SIGLECL1: variants seen among roughly 807,000 people sequenced by gnomAD.
The protein encoded by SIGLECL1 is SIGLEC family-like protein 1.
Under a neutral mutation model 19.1 loss-of-function variants are expected in SIGLECL1, and 16 were observed. That is an observed-to-expected ratio of 0.84 (90% CI 0.57 to 1.27). The LOEUF is 1.27. SIGLECL1 is among the 50% of genes most tolerant of loss of function. The pLI, the probability that SIGLECL1 is intolerant of heterozygous loss-of-function variation, is 0.00. For synonymous variants in SIGLECL1, 89 were observed against 90.4 expected, an observed-to-expected ratio of 0.98 and a Z score of 0.09; for missense variants, 210 against 239.4, an observed-to-expected ratio of 0.88 and a Z score of 0.81.
intron 1 of SIGLECL1, among the ~76,000 whole-genome samples, chr19:51,261,576 C>T (rs1432327822): frequency 6.6e-6 from 1 of 152,236 alleles, no homozygotes; most frequent in Non-Finnish European, 1.5e-5. Context: ...GCATGAGCCA[C>T]CGCTCCCGGC....
chr19:51,265,699 G>A, intron 3 of SIGLECL1, 50 bp downstream of exon 3: 1 of 1,612,226 alleles, frequency 6.2e-7, no homozygotes, highest in Non-Finnish European at 8.5e-7. Flanking sequence ...AAGCGGGATG[G>A]GGACAGTCAC....
chr19:51,268,584 A>T lies in SIGLECL1; in HGVS notation c.581A>T (p.Lys194Ile), dbSNP rs779942999. The part of the protein sequence containing the change: ...SESRILEKQD[K>I]RAS ...CCTCGCTTTCAGGAAAAGCAAGATA[A>T]ACGAGCCAGCTAAGCCTGTGGAACA... is the stretch of plus-strand genomic sequence containing the variant. The change falls in exon 6 of 6, where the codon AAA becomes ATA. Residue 194 changes from lysine (K) to isoleucine (I), a missense_variant. Transcript: ENST00000601727. 4 of 1,613,958 alleles carry T rather than the reference A, an allele frequency of 2.5e-6. No individual in the cohort carries two copies. The East Asian group carries it at 6.7e-5, about 27-fold the overall frequency.
upstream of SIGLECL1, among the ~76,000 whole-genome samples, chr19:51,246,587 A>C (rs1379034769): frequency 6.6e-6 from 1 of 152,128 alleles, no homozygotes; most frequent in African/African-American, 2.4e-5. Flanking sequence ...GGTTAAGTTA[A>C]ATATTAAAAG....
intron 5 of SIGLECL1, 53 bp downstream of exon 5, chr19:51,267,582 C>T: frequency 6.3e-7 from 1 of 1,590,766 alleles, no homozygotes; most frequent in Non-Finnish European, 8.6e-7. Context: ...GATAATAAGA[C>T]CCACAGGGAA....
At chr19:51,265,229 A>T in intron 2 of SIGLECL1, 139 bp from the exon 3 acceptor site, 2 of 872,780 alleles carry the variant, frequency 2.3e-6, no homozygotes, top group Middle Eastern at 3.6e-4. Context: ...CTGGTCTGGG[A>T]GGCCTGAATC....
intron 1 of SIGLECL1, among the ~76,000 whole-genome samples, chr19:51,253,790 G>A (rs1387594224): frequency 6.6e-6 from 1 of 152,230 alleles, no homozygotes; most frequent in East Asian, 1.9e-4. Flanking sequence ...GTCAAAGGTT[G>A]AGTCTGAAAT....
At chr19:51,268,151 C>G (rs1983814298) in intron 5 of SIGLECL1, among the ~76,000 whole-genome samples, 1 of 152,134 alleles carries the variant, frequency 6.6e-6, no homozygotes, top group Non-Finnish European at 1.5e-5. Flanking sequence ...GCAATATCTC[C>G]TAATCTTTGT....
At chr19:51,259,861 G>A (rs1983085967) in intron 1 of SIGLECL1, among the ~76,000 whole-genome samples, 1 of 152,208 alleles carries the variant, frequency 6.6e-6, no homozygotes, top group African/African-American at 2.4e-5. Context: ...CTTGAATGAT[G>A]TCTATTAATA....
intron 1 of SIGLECL1, among the ~76,000 whole-genome samples, chr19:51,255,189 G>T (rs1982726341): frequency 6.6e-6 from 1 of 151,374 alleles, no homozygotes; most frequent in African/African-American, 2.4e-5. Context: ...GCACCCAGGA[G>T]ATGGAGGTTG....
intron 1 of SIGLECL1, chr19:51,256,109 C>T (rs1008451503): frequency 6.7e-6 from 1 of 149,544 alleles, no homozygotes; most frequent in African/African-American, 2.5e-5. Flanking sequence ...ACACACACAC[C>T]CCATTCAAAT....
chr19:51,256,303 CACACACACAT>C (rs1418722957), intron 1 of SIGLECL1, among the ~76,000 whole-genome samples: 3 of 152,106 alleles, frequency 2.0e-5, no homozygotes, highest in Admixed American at 2.0e-4. Context: ...ATTTATTGTG[CACACACACAT>C]ACACACACAG....
At chr19:51,250,766 G>A (rs1293570292), upstream of SIGLECL1, among the ~76,000 whole-genome samples, 1 of 152,192 alleles carries the variant, frequency 6.6e-6, no homozygotes, top group African/African-American at 2.4e-5. Context: ...CTGCGGATTG[G>A]CTCAAGCCCT....
intron 2 of SIGLECL1, chr19:51,264,316 G>A (rs537788031): frequency 1.1e-4 from 59 of 524,526 alleles, no homozygotes; most frequent in African/African-American, 7.8e-5. Flanking sequence ...GAGAGGGATG[G>A]AGAGTGTAGG....
In SIGLECL1 at chr19:51,265,693, G is replaced by A. The variant is rs1261514788; in HGVS notation, c.304+44G>A. ...CGGTGACTGGGTGAGGACAATAAGCGGGATGGGGACAGTCACTGGGGCTAG... is the reference window on the plus strand; with the variant it reads ...CGGTGACTGGGTGAGGACAATAAGCAGGATGGGGACAGTCACTGGGGCTAG... On this transcript the variant is annotated intron_variant, in intron 3 of 5. Transcript: ENST00000601727. 19 of 1,611,786 alleles carry A rather than the reference G, an allele frequency of 1.2e-5. 1 individual carries two copies. Among genetic ancestry groups the A allele is most frequent in the South Asian group, 8.8e-5 (8 of 90,732 alleles).
At chr19:51,264,252 T>C (rs1983468507) in intron 2 of SIGLECL1, 158 bp downstream of exon 2, 3 of 839,310 alleles carry the variant, frequency 3.6e-6, no homozygotes, top group Non-Finnish European at 5.5e-6. Context: ...AGCTTCTGTG[T>C]GTCAGATTTT....
intron 1 of SIGLECL1, among the ~76,000 whole-genome samples, chr19:51,254,737 T>C (rs1982699940): frequency 6.6e-6 from 1 of 152,166 alleles, no homozygotes; most frequent in Admixed American, 6.5e-5. Flanking sequence ...TGTCTGCATA[T>C]CTTTATGAAT....
intron 1 of SIGLECL1, among the ~76,000 whole-genome samples, chr19:51,260,822 T>A (rs1277512696): frequency 6.6e-6 from 1 of 152,222 alleles, no homozygotes; most frequent in Non-Finnish European, 1.5e-5. Flanking sequence ...TTATTAAGAT[T>A]TGTCTTATGA....
chr19:51,266,515 A>G (rs1168147769), intron 4 of SIGLECL1, among the ~76,000 whole-genome samples: 2 of 68,548 alleles, frequency 2.9e-5, no homozygotes. Flanking sequence ...TCCAAAATCT[A>G]AAAAAAAAAA....
At chr19:51,264,908 G>A (rs142343733) in intron 2 of SIGLECL1, among the ~76,000 whole-genome samples, 2 of 152,296 alleles carry the variant, frequency 1.3e-5, no homozygotes, top group East Asian at 1.9e-4. Flanking sequence ...TTCTTATAAC[G>A]ATGATAATAT....
Sources: gnomAD v4.1 joint callset for allele counts (sites outside exome capture counted in the v4.1 genomes callset) on GRCh38, gnomAD v4.1.1 for gene constraint, MANE v1.5 for transcripts, NCBI Gene and HGNC (gene_info 2026-07-23, HGNC 2026-07-21) for gene names.